The following TMEM236 variants were observed in gnomAD, a reference collection of about 807,000 sequenced individuals.
TMEM236 encodes the protein transmembrane protein 236.
In TMEM236, 11 loss-of-function variants were observed where a neutral mutation model predicts 14.7. The observed-to-expected ratio is 0.75, with a 90% CI of 0.47 to 1.24. The LOEUF is 1.24. Among genes scored for constraint, TMEM236 ranks in the 50% most tolerant of loss-of-function variants. TMEM236 has a pLI of 0.00. For synonymous variants in TMEM236, 182 were observed against 168.6 expected, an observed-to-expected ratio of 1.08 and a Z score of -0.62; for missense variants, 464 against 427.3, an observed-to-expected ratio of 1.09 and a Z score of -0.76.
intron 3 of TMEM236, among the ~76,000 whole-genome samples, chr10:17,782,321 C>T (rs1371285066): frequency 1.4e-4 from 21 of 152,086 alleles, no homozygotes; most frequent in Non-Finnish European, 2.9e-4. Flanking sequence ...CCAACCATAA[C>T]CCTACAAACT....
chr10:17,766,702 C>G (rs553738445), intron 1 of TMEM236, among the ~76,000 whole-genome samples: 1 of 152,160 alleles, frequency 6.6e-6, no homozygotes, highest in Non-Finnish European at 1.5e-5. Context: ...CCTAGAAATG[C>G]GACAACAAAG....
chr10:17,772,447 G>C (rs906675833), intron 2 of TMEM236, among the ~76,000 whole-genome samples: 3 of 152,090 alleles, frequency 2.0e-5, no homozygotes, highest in African/African-American at 7.2e-5. Flanking sequence ...TCATTTGGAA[G>C]GTTCTCAAAA....
chr10:17,768,409 A>C (rs1403535248), intron 1 of TMEM236, among the ~76,000 whole-genome samples: 2 of 152,018 alleles, frequency 1.3e-5, no homozygotes, highest in Non-Finnish European at 2.9e-5. Flanking sequence ...TTTAAAAAAG[A>C]CTTTAGGTAA....
intron 3 of TMEM236, among the ~76,000 whole-genome samples, chr10:17,793,814 G>A (rs1414366965): frequency 6.6e-6 from 1 of 152,138 alleles, no homozygotes; most frequent in African/African-American, 2.4e-5. Flanking sequence ...CATAAGAGGT[G>A]CAATGGATAC....
chr10:17,754,147 C>A (rs999997814), intron 1 of TMEM236, among the ~76,000 whole-genome samples: 10 of 152,128 alleles, frequency 6.6e-5, no homozygotes, highest in Admixed American at 4.6e-4. Flanking sequence ...ATAAACTTAT[C>A]GGAGTGAGCT....
rs946290311 is a variant in TMEM236 at position 17,787,714 on chromosome 10, C to T, written c.473-8207C>T. ...GGGTACAAAGCTGAGCAGAAACAGG[C>T]GAGGCTGCCTTTTGCGGAGCTCCTG... On this transcript the variant is annotated intron_variant, in intron 3 of 3. Coordinates refer to ENST00000377495, the MANE Select transcript of TMEM236 (RefSeq NM_001098844.3). Among the ~76,000 whole-genome samples the T allele has an allele frequency of 1.5e-4, 23 of 152,310 alleles. No homozygotes were observed. In the East Asian group the frequency reaches 4.2e-3, roughly 28 times the overall value.
At chr10:17,788,097 C>G (rs1837867419) in intron 3 of TMEM236, among the ~76,000 whole-genome samples, 1 of 149,818 alleles carries the variant, frequency 6.7e-6, no homozygotes, top group Non-Finnish European at 1.5e-5. Flanking sequence ...ATAAATGTTT[C>G]AGGAACATTG....
In TMEM236 at chr10:17,779,390, G is replaced by C. The variant is rs1837712039; in HGVS notation, c.472+3220G>C. Among the ~76,000 whole-genome samples, 3 of 152,012 alleles carry C rather than the reference G, an allele frequency of 2.0e-5. No individual in the cohort carries two copies. The South Asian group carries it at 6.2e-4, about 32-fold the overall frequency. On this transcript the variant is annotated intron_variant, in intron 3 of 3. Coordinates refer to ENST00000377495, the MANE Select transcript of TMEM236 (RefSeq NM_001098844.3). ...GTAGGCAGAGTGACCCATCTTGGTG[G>C]GGTACACACTGGTTTGAGGCTCAAC...
chr10:17,776,419 C>T (rs909748391), intron 3 of TMEM236, among the ~76,000 whole-genome samples: 1 of 152,056 alleles, frequency 6.6e-6, no homozygotes, highest in East Asian at 1.9e-4. Flanking sequence ...ATAGTTAATA[C>T]CAAAAACCTT....
At chr10:17,768,128 G>T (rs193088231) in intron 1 of TMEM236, among the ~76,000 whole-genome samples, 3,960 of 114,444 alleles carry the variant, frequency 0.035, 206 homozygotes, top group African/African-American at 0.13. Flanking sequence ...AGGATTTGCT[G>T]TGTTGCCCAG....
At chr10:17,779,153 G>T (rs911661907) in intron 3 of TMEM236, among the ~76,000 whole-genome samples, 1 of 152,126 alleles carries the variant, frequency 6.6e-6, no homozygotes, top group African/African-American at 2.4e-5. Context: ...TTTGAATTTT[G>T]CTAACTGAAT....
chr10:17,771,483 C>T (rs1393456526), intron 2 of TMEM236, 102 bp downstream of exon 2: 1 of 1,086,304 alleles, frequency 9.2e-7, no homozygotes, highest in Non-Finnish European at 1.4e-6. Context: ...TTCTTGACAT[C>T]TATGTAATCC....
Position 17,783,631 on chromosome 10 carries a change from C to G in TMEM236, c.472+7461C>G, listed in dbSNP as rs1042837113. Among the ~76,000 whole-genome samples the G allele has an allele frequency of 4.9e-3, 746 of 152,306 alleles. 6 individuals are homozygous for G. Among genetic ancestry groups the G allele is most frequent in the African/African-American group, 0.017 (711 of 41,558 alleles). On this transcript the variant is annotated intron_variant, in intron 3 of 3. Coordinates refer to ENST00000377495, the MANE Select transcript of TMEM236 (RefSeq NM_001098844.3). Reference sequence around the variant, plus strand: ...ATGTTCAGATGCAGAACTTCCGGCTCACAGTCCGTGCAAGCTTTTAAGGTT... The same window carrying G: ...ATGTTCAGATGCAGAACTTCCGGCTGACAGTCCGTGCAAGCTTTTAAGGTT...
intron 3 of TMEM236, among the ~76,000 whole-genome samples, chr10:17,794,531 G>A (rs1269262854): frequency 1.3e-5 from 2 of 151,746 alleles, no homozygotes; most frequent in Non-Finnish European, 2.9e-5. Flanking sequence ...ACATGGAGAG[G>A]AACACACAGA....
chr10:17,790,345 T>C (rs1220899878), intron 3 of TMEM236, among the ~76,000 whole-genome samples: 1 of 152,224 alleles, frequency 6.6e-6, no homozygotes, highest in Non-Finnish European at 1.5e-5. Context: ...CTATTGATTG[T>C]TGCGTCTTCC....
chr10:17,758,463 T>C (rs1837312515), intron 1 of TMEM236, among the ~76,000 whole-genome samples: 1 of 152,200 alleles, frequency 6.6e-6, no homozygotes, highest in Admixed American at 6.5e-5. Flanking sequence ...AGCCTTGACA[T>C]TGACCATGAA....
chr10:17,784,949 A>G (rs1314828822), intron 3 of TMEM236, among the ~76,000 whole-genome samples: 1 of 152,134 alleles, frequency 6.6e-6, no homozygotes, highest in Non-Finnish European at 1.5e-5. Context: ...TCTGGGGCCA[A>G]TCCAGATAAT....
intron 1 of TMEM236, among the ~76,000 whole-genome samples, chr10:17,763,488 A>ATCCT (rs1837409626): frequency 6.6e-6 from 1 of 152,114 alleles, no homozygotes; most frequent in Admixed American, 6.6e-5. Context: ...TATTTGATTC[A>ATCCT]TCCTTCCTAC....
chr10:17,771,038 G>A (rs1837563168), intron 1 of TMEM236, among the ~76,000 whole-genome samples: 2 of 152,184 alleles, frequency 1.3e-5, no homozygotes, highest in Admixed American at 6.5e-5. Flanking sequence ...CATGTTGAAT[G>A]TCATTTGACT....
Sources: allele counts gnomAD v4.1 joint callset (sites outside exome capture counted in the v4.1 genomes callset), GRCh38; gene constraint gnomAD v4.1.1; transcripts MANE v1.5; gene names NCBI Gene and HGNC (gene_info 2026-07-23, HGNC 2026-07-21).